The following CEP44 variants were observed in gnomAD, a reference collection of about 807,000 sequenced individuals.
CEP44 encodes centrosomal protein of 44 kDa.
In CEP44, 45 loss-of-function variants were observed where a neutral mutation model predicts 46.7. That is an observed-to-expected ratio of 0.96 (90% CI 0.76 to 1.24). The LOEUF (loss-of-function observed/expected upper bound fraction) is 1.24, where lower values mean the gene tolerates loss of function less well. Among genes scored for constraint, CEP44 ranks in the 50% most tolerant of loss-of-function variants. The pLI is 0.00. For missense variants in CEP44, 475 were observed against 459.7 expected (o/e 1.03, Z -0.30); for synonymous variants, 142 against 146.0 (o/e 0.97, Z 0.20).
rs1425362033 is a variant in CEP44 at position 174,319,724 on chromosome 4, A to G, written c.*2341A>G. 4 of 879,486 alleles carry G rather than the reference A, an allele frequency of 4.5e-6. No individual in the cohort carries two copies. Among genetic ancestry groups the G allele is most frequent in the Middle Eastern group, 5.9e-4 (1 of 1,700 alleles). The allele number at this position is 879,486 out of a possible 1,614,324, so 54.5% of individuals were successfully genotyped here. A position where few individuals can be genotyped will look rare whatever the true frequency, so the allele number is the denominator to read the frequency against. On this transcript the variant is annotated 3_prime_UTR_variant, in exon 12 of 12. Coordinates refer to ENST00000503780, the MANE Select transcript of CEP44 (RefSeq NM_001040157.3). ...TAATAACTTGTCTAACAACTCTCTAATAGGGACTAAAAATCAACTCAATAT... is the reference window on the plus strand; with the variant it reads ...TAATAACTTGTCTAACAACTCTCTAGTAGGGACTAAAAATCAACTCAATAT...
chr4:174,319,456 A>C lies in CEP44; in HGVS notation c.*2073A>C. The C allele has an allele frequency of 1.0e-6, 1 of 973,264 alleles. No homozygotes were observed. The highest frequency in any genetic ancestry group is 1.2e-6 in the Non-Finnish European group (1 of 818,892). The allele number at this position is 973,264 out of a possible 1,614,324, so 60.3% of individuals were successfully genotyped here. A position where few individuals can be genotyped will look rare whatever the true frequency, so the allele number is the denominator to read the frequency against. On this transcript the variant is annotated 3_prime_UTR_variant, in exon 12 of 12. Transcript: ENST00000503780. Reference sequence around the variant, plus strand: ...ATATTTTTTCCCTTTTGAAAAATTCAATTTTAAAAAGAAACATTTTTGAAG... The same window carrying C: ...ATATTTTTTCCCTTTTGAAAAATTCCATTTTAAAAAGAAACATTTTTGAAG...
rs1282856904 is a variant in CEP44 at position 174,314,291 on chromosome 4, C to G, written c.962-1875C>G. 6.6e-6 allele frequency among the ~76,000 whole-genome samples: 1 copy of G among 152,186 alleles called. No individual in the cohort carries two copies. Among genetic ancestry groups the G allele is most frequent in the Non-Finnish European group, 1.5e-5 (1 of 68,008 alleles). ...TGAACTCAGTTACCAATTCTTTTCT[C>G]AATCCCCTATAGCACAGCTAAGAAA... On this transcript the variant is annotated intron_variant, in intron 9 of 11. Coordinates refer to ENST00000503780, the MANE Select transcript of CEP44 (RefSeq NM_001040157.3). The surrounding 1 kb of genome is among the most constrained non-coding windows in gnomAD (Gnocchi z 4.1).
At chr4:174,294,573 G>A (rs964697995) in intron 1 of CEP44, among the ~76,000 whole-genome samples, 9 of 151,716 alleles carry the variant, frequency 5.9e-5, no homozygotes, top group Non-Finnish European at 1.2e-4. Context: ...CCTCCCAGAC[G>A]GGGTGGTGGC....
At chr4:174,316,450 T>C in intron 10 of CEP44, 80 bp from the exon 11 acceptor site, 1 of 1,394,398 alleles carries the variant, frequency 7.2e-7, no homozygotes, top group East Asian at 2.3e-5. Flanking sequence ...TTTCAAACTG[T>C]GTTTTGTACA....
At chr4:174,305,274 C>T (rs371273943) in intron 6 of CEP44, among the ~76,000 whole-genome samples, 1 of 152,012 alleles carries the variant, frequency 6.6e-6, no homozygotes, top group Non-Finnish European at 1.5e-5. Flanking sequence ...ACCAGCATGG[C>T]GAAACCCCAT....
Position 174,318,074 on chromosome 4 carries a change from G to A in CEP44, c.*691G>A. On this transcript the variant is annotated 3_prime_UTR_variant, in exon 12 of 12. Coordinates refer to ENST00000503780, the MANE Select transcript of CEP44 (RefSeq NM_001040157.3). ...GTATGCTCTATTGTATAATTTTTTT[G>A]GAGGGGGGGATGGAGTTTCGCTGTT... The A allele has an allele frequency of 1.0e-6, 1 of 985,150 alleles. No homozygotes were observed. Among genetic ancestry groups the A allele is most frequent in the South Asian group, 4.7e-5 (1 of 21,278 alleles). The allele number at this position is 985,150 out of a possible 1,614,324, so 61.0% of individuals were successfully genotyped here.
intron 1 of CEP44, among the ~76,000 whole-genome samples, chr4:174,294,046 CTTTT>C (rs764798847): frequency 7.2e-6 from 1 of 138,116 alleles, no homozygotes; most frequent in Admixed American, 7.2e-5. Flanking sequence ...CATATATCCT[CTTTT>C]TTTTTTTTTT....
Position 174,316,611 on chromosome 4 carries a change from GAA to G in CEP44, c.1124+45_1124+46del, listed in dbSNP as rs751112725. The G allele has an allele frequency of 3.5e-5, 53 of 1,506,822 alleles. No individual in the cohort carries two copies. In the East Asian group the frequency reaches 1.1e-3, roughly 32 times the overall value. 93.3% of individuals were successfully genotyped at this position (1,506,822 alleles called of 1,614,324 possible). A position where few individuals can be genotyped will look rare whatever the true frequency, so the allele number is the denominator to read the frequency against. On this transcript the variant is annotated intron_variant, in intron 11 of 11. Coordinates refer to ENST00000503780, the MANE Select transcript of CEP44 (RefSeq NM_001040157.3). ...CAACAGAAATTCATTTCTCTATAGG[GAA>G]TTGTATTGGATTACAGTATATATAG...
Position 174,317,342 on chromosome 4 carries a change from G to T in CEP44, c.1132G>T (p.Glu378Ter). The T allele has an allele frequency of 7.3e-7, 1 of 1,361,654 alleles. No homozygotes were observed. The highest frequency in any genetic ancestry group is 9.8e-7 in the Non-Finnish European group (1 of 1,017,098). The allele number at this position is 1,361,654 out of a possible 1,614,324, so 84.3% of individuals were successfully genotyped here. Residue 378 changes from glutamate (E) to a stop codon, truncating the protein, a stop_gained, in exon 12 of 12, where the codon GAA (glutamate) becomes TAA (stop). Transcript: ENST00000503780. LOFTEE classifies it high-confidence loss of function. ...KMERMKKMFE[E>*]TAELLKCPNH... ...TTATTTATTATATTTCAGGTTTGAA[G>T]AAACTGCAGAGTTACTGAAATGTCC...
rs906578678 is a variant in CEP44, at chr4:174,301,846, A to G, written c.90-193A>G. Reference sequence around the variant, plus strand: ...TTGAGCAGACGAACAGTGGTATTTCATAGTAGTCTGGCTAGACTGGTTTCA... The same window carrying G: ...TTGAGCAGACGAACAGTGGTATTTCGTAGTAGTCTGGCTAGACTGGTTTCA... On this transcript the variant is annotated intron_variant, in intron 3 of 11. Coordinates refer to ENST00000503780, the MANE Select transcript of CEP44 (RefSeq NM_001040157.3). The surrounding 1 kb of genome is among the most constrained non-coding windows in gnomAD (Gnocchi z 4.3). Among the ~76,000 whole-genome samples, 8 of 152,148 alleles carry G rather than the reference A, an allele frequency of 5.3e-5. No homozygotes were observed. The highest frequency in any genetic ancestry group is 1.2e-4 in the Non-Finnish European group (8 of 67,996).
intron 9 of CEP44, among the ~76,000 whole-genome samples, chr4:174,315,218 T>TA (rs1741523395): frequency 6.6e-6 from 1 of 150,992 alleles, no homozygotes; most frequent in Admixed American, 6.6e-5. Context: ...TGAACCAATT[T>TA]AAATGGGTGT....
rs917504219 is a variant in CEP44, at chr4:174,318,715, T to C, written c.*1332T>C. 82 of 728,292 alleles carry C rather than the reference T, an allele frequency of 1.1e-4. No homozygotes were observed. The highest frequency in any genetic ancestry group is 1.3e-4 in the East Asian group (1 of 7,604). 45.1% of individuals were successfully genotyped at this position (728,292 alleles called of 1,614,324 possible). ...CACTGTCAAATATAAAATATTGTTA[T>C]ATGAGTAGAAATCACTTAAATTTTT... On this transcript the variant is annotated 3_prime_UTR_variant, in exon 12 of 12. Coordinates refer to ENST00000503780, the MANE Select transcript of CEP44 (RefSeq NM_001040157.3).
chr4:174,291,675 AGATCTCCT>A (rs1343264902), intron 1 of CEP44, among the ~76,000 whole-genome samples: 1 of 151,912 alleles, frequency 6.6e-6, no homozygotes, highest in Non-Finnish European at 1.5e-5. Context: ...GTTAACTTGA[AGATCTCCT>A]GTTAGCATTT....
Position 174,310,163 on chromosome 4 carries a change from A to G in CEP44, c.885+107A>G, listed in dbSNP as rs931950534. Reference sequence around the variant, plus strand: ...AAATGCTAAATATGAGAATATTTGAATAATGAGAAAATGTCTAGTTAGAAT... The same window carrying G: ...AAATGCTAAATATGAGAATATTTGAGTAATGAGAAAATGTCTAGTTAGAAT... On this transcript the variant is annotated intron_variant, in intron 8 of 11. Transcript: ENST00000503780. This position sits in a 1 kb window ranked among gnomAD's most constrained non-coding sequence, Gnocchi z 4.2. 16 of 982,914 alleles carry G rather than the reference A, an allele frequency of 1.6e-5. No homozygotes were observed. Among genetic ancestry groups the G allele is most frequent in the Non-Finnish European group, 1.9e-5 (13 of 679,448 alleles). The allele number at this position is 982,914 out of a possible 1,614,324, so 60.9% of individuals were successfully genotyped here.
At position 174,326,885 on chromosome 4, in the gene CEP44, C is replaced by G. The variant is rs1742703055; in HGVS notation, c.1087-4597C>G. Among the ~76,000 whole-genome samples, 1 of 151,448 alleles carries G rather than the reference C, an allele frequency of 6.6e-6. No homozygotes were observed. Among genetic ancestry groups the G allele is most frequent in the South Asian group, 2.1e-4 (1 of 4,822 alleles). On this transcript the variant is annotated intron_variant, in intron 8 of 8. Transcript: ENST00000426172. This position sits in a 1 kb window ranked among gnomAD's most constrained non-coding sequence, Gnocchi z 4.8. ...TCTACTGTTATTTTTATCTTTGTTTCTTTATGGAATCTGTCTTTTTTTACT... is the reference window on the plus strand; with the variant it reads ...TCTACTGTTATTTTTATCTTTGTTTGTTTATGGAATCTGTCTTTTTTTACT...
rs142198551 is a variant in CEP44, at chr4:174,327,188, TAG to T, written c.1087-4276_1087-4275del. On this transcript the variant is annotated intron_variant, in intron 8 of 8. Coordinates refer to the CEP44 transcript ENST00000426172. ...GTGTATATATATGTATATATATATT[TAG>T]AGAGAGAGAGAGAGAGAAAAAACAG... Among the ~76,000 whole-genome samples the T allele has an allele frequency of 8.7e-4, 129 of 147,976 alleles. 1 individual carries two copies. Among genetic ancestry groups the T allele is most frequent in the East Asian group, 5.3e-3 (27 of 5,068 alleles).
Position 174,312,697 on chromosome 4 carries a change from C to CTAA in CEP44, c.961+1839_961+1840insTAA. Among the ~76,000 whole-genome samples the CTAA allele has an allele frequency of 6.6e-6, 1 of 152,234 alleles. No individual in the cohort carries two copies. The highest frequency in any genetic ancestry group is 1.5e-5 in the Non-Finnish European group (1 of 68,000). On this transcript the variant is annotated intron_variant, in intron 9 of 11. Coordinates refer to ENST00000503780, the MANE Select transcript of CEP44 (RefSeq NM_001040157.3). The surrounding 1 kb of genome is among the most constrained non-coding windows in gnomAD (Gnocchi z 4.5). Reference sequence around the variant, plus strand: ...TTACAGATTATGATTAGGTTGAATACCTGGTCTCATAGAGTTTATGATCTG... The same window carrying CTAA: ...TTACAGATTATGATTAGGTTGAATACTAACTGGTCTCATAGAGTTTATGATCTG...
rs541941816 is a variant in CEP44, at chr4:174,310,129, T to G, written c.885+73T>G. 3.1e-5 allele frequency: 42 copies of G among 1,361,320 alleles called. No homozygotes were observed. The South Asian group carries it at 5.7e-4, about 18-fold the overall frequency. The allele number at this position is 1,361,320 out of a possible 1,614,324, so 84.3% of individuals were successfully genotyped here. On this transcript the variant is annotated intron_variant, in intron 8 of 11. Transcript: ENST00000503780. The surrounding 1 kb of genome is among the most constrained non-coding windows in gnomAD (Gnocchi z 4.2). Reference sequence around the variant, plus strand: ...TTTTTTTTTGATTGTTATATGTGTATTTTTTTGGAAATGCTAAATATGAGA... The same window carrying G: ...TTTTTTTTTGATTGTTATATGTGTAGTTTTTTGGAAATGCTAAATATGAGA...
At chr4:174,306,256 T>G (rs1025215335) in intron 6 of CEP44, among the ~76,000 whole-genome samples, 3 of 152,130 alleles carry the variant, frequency 2.0e-5, no homozygotes, top group Non-Finnish European at 4.4e-5. Context: ...CATTATTAGG[T>G]TTGAATTGTT....
Sources: allele counts gnomAD v4.1 joint callset (sites outside exome capture counted in the v4.1 genomes callset), GRCh38; gene constraint gnomAD v4.1.1; non-coding constraint Gnocchi (gnomAD v3.1); transcripts MANE v1.5; gene names NCBI Gene and HGNC (gene_info 2026-07-23, HGNC 2026-07-21).